Variants in IL1RL2 observed in about 807,000 individuals in gnomAD.
IL1RL2 encodes interleukin 1 receptor like 2.
IL1RL2 carries 68 observed loss-of-function variants against 66.8 expected under a neutral mutation model. The ratio of observed to expected loss-of-function variants is 1.02; its 90% CI spans 0.84 to 1.25. The LOEUF (loss-of-function observed/expected upper bound fraction) is 1.25. Among genes scored for constraint, IL1RL2 ranks in the 50% most tolerant of loss-of-function variants. The probability of loss-of-function intolerance (pLI) is 0.00; values close to 1 mark genes in which losing one functional copy is unlikely to be tolerated. For missense variants in IL1RL2, 729 were observed against 709.3 expected (o/e 1.03, Z -0.32); for synonymous variants, 305 against 264.6 (o/e 1.15, Z -1.48).
rs376533716 is a variant in IL1RL2 at position 102,235,713 on chromosome 2, G to A, written c.1678+436G>A. 186 of 985,428 alleles carry A rather than the reference G, an allele frequency of 1.9e-4. No homozygotes were observed. In the African/African-American group the frequency reaches 3.1e-3, roughly 17 times the overall value. 61.0% of individuals were successfully genotyped at this position (985,428 alleles called of 1,614,324 possible). On this transcript the variant is annotated intron_variant, in intron 11 of 11. Transcript: ENST00000264257. Reference sequence around the variant, plus strand: ...TCTAGCACCAGGAGAGGGTTGGCAAGGATAGCAGTATTTGTCCACGCCTGT... The same window carrying A: ...TCTAGCACCAGGAGAGGGTTGGCAAAGATAGCAGTATTTGTCCACGCCTGT...
chr2:102,189,749 C>A (rs1687066960), intron 3 of IL1RL2, among the ~76,000 whole-genome samples: 1 of 152,188 alleles, frequency 6.6e-6, no homozygotes, highest in Non-Finnish European at 1.5e-5. Flanking sequence ...TCCGAAGTAG[C>A]TGGGATTATA....
At chr2:102,223,950 C>T (rs977067050) in intron 8 of IL1RL2, among the ~76,000 whole-genome samples, 3 of 152,116 alleles carry the variant, frequency 2.0e-5, no homozygotes, top group East Asian at 1.9e-4. Context: ...TGGTGCAGTG[C>T]GTCTATACTG....
intron 9 of IL1RL2, 71 bp downstream of exon 9, chr2:102,226,112 T>C (rs1690589205): frequency 8.0e-7 from 1 of 1,256,412 alleles, no homozygotes; most frequent in South Asian, 2.0e-5. Context: ...CGATTTCAAA[T>C]ATACTTTGTC....
In IL1RL2 at chr2:102,234,893, C is replaced by G. The variant is rs748769527; in HGVS notation, c.1298-4C>G. 6.2e-7 allele frequency: 1 copy of G among 1,607,532 alleles called. No individual in the cohort carries two copies. The highest frequency in any genetic ancestry group is 1.3e-5 in the African/African-American group (1 of 74,828). On this transcript the variant is annotated splice_region_variant and splice_polypyrimidine_tract_variant and intron_variant, in intron 10 of 11. Coordinates refer to ENST00000264257, the MANE Select transcript of IL1RL2 (RefSeq NM_003854.4). ...TCTTCTGAGCCTTCTTTCTTTATTTCCAGCCGTGGCCAATGTCATCGATGA... is the reference window on the plus strand; with the variant it reads ...TCTTCTGAGCCTTCTTTCTTTATTTGCAGCCGTGGCCAATGTCATCGATGA...
At chr2:102,237,300 T>G (rs1674970223) in intron 11 of IL1RL2, among the ~76,000 whole-genome samples, 1 of 152,216 alleles carries the variant, frequency 6.6e-6, no homozygotes, top group African/African-American at 2.4e-5. Flanking sequence ...ACTCACCCTT[T>G]GCGGTCCAGA....
chr2:102,201,938 A>G (rs1688296602), intron 5 of IL1RL2, among the ~76,000 whole-genome samples: 1 of 152,192 alleles, frequency 6.6e-6, no homozygotes, highest in African/African-American at 2.4e-5. Flanking sequence ...CAGAACACTC[A>G]AAACTCTTGG....
intron 8 of IL1RL2, 60 bp downstream of exon 8, chr2:102,220,077 A>C: frequency 6.8e-7 from 1 of 1,462,800 alleles, no homozygotes; most frequent in East Asian, 2.3e-5. Flanking sequence ...CAGGAAACAC[A>C]TCTGAAGGAG....
chr2:102,226,090 A>G (rs182111115), intron 9 of IL1RL2, 49 bp downstream of exon 9: 28 of 1,426,568 alleles, frequency 2.0e-5, no homozygotes, highest in African/African-American at 5.9e-5. Context: ...GTATCCTCTT[A>G]TACATATACA....
chr2:102,219,687 C>T (rs186141231), intron 7 of IL1RL2, among the ~76,000 whole-genome samples, 194 bp from the exon 8 acceptor site: 41 of 152,240 alleles, frequency 2.7e-4, no homozygotes, highest in African/African-American at 9.6e-4. Flanking sequence ...TTCCTTGTCA[C>T]CATGCAGAAG....
downstream of IL1RL2, among the ~76,000 whole-genome samples, chr2:102,241,133 C>T (rs1217678570): frequency 2.0e-5 from 3 of 152,370 alleles, no homozygotes; most frequent in African/African-American, 7.2e-5. Flanking sequence ...GCACACATTA[C>T]CTTCTCGGGG....
intron 10 of IL1RL2, among the ~76,000 whole-genome samples, chr2:102,233,334 C>G (rs1028445268): frequency 3.3e-5 from 5 of 152,082 alleles, no homozygotes; most frequent in Non-Finnish European, 7.4e-5. Context: ...CTCCCTGCCC[C>G]GCAGTGCCTG....
chr2:102,225,166 A>G (rs1690491357), intron 8 of IL1RL2, among the ~76,000 whole-genome samples: 1 of 152,160 alleles, frequency 6.6e-6, no homozygotes, highest in Admixed American at 6.5e-5. Context: ...GTTTTCAGGG[A>G]CTTGAGGTTC....
chr2:102,190,635 C>A (rs1232465600), intron 3 of IL1RL2, among the ~76,000 whole-genome samples: 1 of 152,222 alleles, frequency 6.6e-6, no homozygotes, highest in Non-Finnish European at 1.5e-5. Flanking sequence ...GTTAGCTCTG[C>A]CTGGCTCCTT....
intron 9 of IL1RL2, among the ~76,000 whole-genome samples, chr2:102,228,229 A>G (rs972516201): frequency 2.6e-5 from 4 of 152,202 alleles, no homozygotes; most frequent in African/African-American, 9.7e-5. Context: ...ACAGTGAGCT[A>G]CTGATGAGAT....
At chr2:102,219,234 T>C (rs1689881691) in intron 7 of IL1RL2, 152 bp downstream of exon 7, 2 of 878,778 alleles carry the variant, frequency 2.3e-6, no homozygotes, top group African/African-American at 3.4e-5. Context: ...GGAGATATGG[T>C]AAAAGACCAG....
intron 6 of IL1RL2, among the ~76,000 whole-genome samples, chr2:102,215,044 G>A (rs796922102): frequency 2.0e-5 from 3 of 152,262 alleles, no homozygotes; most frequent in African/African-American, 7.2e-5. Flanking sequence ...TTGGAGCCAA[G>A]AGAAACTTCT....
intron 9 of IL1RL2, among the ~76,000 whole-genome samples, chr2:102,232,683 G>A (rs530282377): frequency 3.9e-5 from 6 of 152,250 alleles, no homozygotes; most frequent in Non-Finnish European, 7.4e-5. Flanking sequence ...CTCAAAAGAC[G>A]TGGGGTAGGG....
intron 5 of IL1RL2, among the ~76,000 whole-genome samples, chr2:102,205,554 C>T (rs559474005): frequency 1.3e-5 from 2 of 152,212 alleles, no homozygotes; most frequent in African/African-American, 4.8e-5. Flanking sequence ...TAAAATGTGT[C>T]ATGCCACTCC....
At chr2:102,206,802 G>A (rs1688742981) in intron 5 of IL1RL2, among the ~76,000 whole-genome samples, 1 of 152,226 alleles carries the variant, frequency 6.6e-6, no homozygotes, top group Admixed American at 6.5e-5. Flanking sequence ...CCAGGCCTGT[G>A]TCCCTCCCAT....
Sources: allele counts gnomAD v4.1 joint callset (sites outside exome capture counted in the v4.1 genomes callset), GRCh38; gene constraint gnomAD v4.1.1; transcripts MANE v1.5; gene names NCBI Gene and HGNC (gene_info 2026-07-23, HGNC 2026-07-21).